Variants in CDH7 observed in about 807,000 individuals in gnomAD.
CDH7 encodes the protein cadherin 7.
A neutral mutation model predicts 71.8 loss-of-function variants in CDH7; 25 were observed. That is an observed-to-expected ratio of 0.35 (90% CI 0.25 to 0.49). The LOEUF (loss-of-function observed/expected upper bound fraction) is 0.49, where lower values mean the gene tolerates loss of function less well. Ranked by LOEUF, CDH7 falls within the 20% of genes least tolerant of loss-of-function variation. The pLI, the probability that CDH7 is intolerant of heterozygous loss-of-function variation, is 0.99. For missense variants in CDH7, 862 were observed against 974.6 expected, an observed-to-expected ratio of 0.88 and a Z score of 1.54; for synonymous variants, 381 against 363.8, an observed-to-expected ratio of 1.05 and a Z score of -0.54.
At chr18:65,828,862 G>T (rs996042905) in intron 6 of CDH7, among the ~76,000 whole-genome samples, 2 of 152,094 alleles carry the variant, frequency 1.3e-5, no homozygotes, top group African/African-American at 2.4e-5. Context: ...ATAATCCAGG[G>T]TTTGTCCTGT....
intron 1 of CDH7, among the ~76,000 whole-genome samples, chr18:65,758,424 G>A (rs1342692247): frequency 6.6e-6 from 1 of 152,150 alleles, no homozygotes; most frequent in Non-Finnish European, 1.5e-5. Flanking sequence ...TGCTATAGAG[G>A]GCATATGTTC....
chr18:65,763,117 A>T (rs1431715262), intron 2 of CDH7, 65 bp downstream of exon 2: 45 of 935,448 alleles, frequency 4.8e-5, no homozygotes, highest in Non-Finnish European at 6.7e-5. Context: ...TTGATGAAAA[A>T]CTGCTATATA....
At chr18:65,874,921 GGTTTT>G (rs1240551536) in intron 11 of CDH7, among the ~76,000 whole-genome samples, 1 of 152,038 alleles carries the variant, frequency 6.6e-6, no homozygotes, top group Non-Finnish European at 1.5e-5. Flanking sequence ...ATGACAACGA[GGTTTT>G]GAACTCCAGA....
Position 65,862,310 on chromosome 18 carries a change from A to G in CDH7, c.1613-356A>G, listed in dbSNP as rs1184745605. 2.6e-5 allele frequency among the ~76,000 whole-genome samples: 4 copies of G among 152,206 alleles called. No homozygotes were observed. The East Asian group carries it at 5.8e-4, about 22-fold the overall frequency. On this transcript the variant is annotated intron_variant, in intron 10 of 11. Transcript: ENST00000397968. ...ATACTGCAAAATATTTAACCTGTTA[A>G]TATGTACCATCCTTTCTATAAGTTT...
At chr18:65,757,048 T>TG (rs1309176770) in intron 1 of CDH7, among the ~76,000 whole-genome samples, 1 of 151,974 alleles carries the variant, frequency 6.6e-6, no homozygotes, top group East Asian at 1.9e-4. Context: ...ATAACAGTTT[T>TG]TTTTTTTTTT....
At chr18:65,854,275 C>G (rs937166163) in intron 7 of CDH7, among the ~76,000 whole-genome samples, 2 of 146,516 alleles carry the variant, frequency 1.4e-5, no homozygotes, top group Admixed American at 7.0e-5. Flanking sequence ...CACTGTACTC[C>G]AGCCTGGGCT....
At position 65,781,772 on chromosome 18, in the gene CDH7, T is replaced by TTTCTA. The variant is rs1568181261; in HGVS notation, c.210+18721_210+18722insTCTAT. The stretch of plus-strand genomic sequence containing the variant: ...TTGATTTCTTTCTTTCTTTCTTTCC[T>TTTCTA]TCCTTCCTTCCTTCCTTCCTTCCTT... On this transcript the variant is annotated intron_variant, in intron 2 of 11. Transcript: ENST00000397968. 4.1e-3 allele frequency among the ~76,000 whole-genome samples: 311 copies of TTTCTA among 75,748 alleles called. 26 individuals are homozygous for TTTCTA. The highest frequency in any genetic ancestry group is 0.016 in the African/African-American group (300 of 18,612). 49.7% of individuals were successfully genotyped at this position (75,748 alleles called of 152,430 possible).
intron 2 of CDH7, among the ~76,000 whole-genome samples, chr18:65,793,599 G>A (rs759906917): frequency 6.6e-6 from 1 of 152,136 alleles, no homozygotes; most frequent in African/African-American, 2.4e-5. Context: ...TATTGTTAAT[G>A]GTGGTGATTA....
chr18:65,779,298 G>A (rs1369042747), intron 2 of CDH7, among the ~76,000 whole-genome samples: 8 of 101,486 alleles, frequency 7.9e-5, no homozygotes, highest in Non-Finnish European at 1.5e-4. Flanking sequence ...GTACAGCTGT[G>A]TGAATTTTTT....
chr18:65,794,446 T>C (rs913758971), intron 2 of CDH7, among the ~76,000 whole-genome samples: 2 of 152,082 alleles, frequency 1.3e-5, no homozygotes, highest in African/African-American at 4.8e-5. Context: ...GTGCTGTTAA[T>C]CTATGTGAGA....
chr18:65,819,841 C>T (rs1318052041), intron 4 of CDH7, among the ~76,000 whole-genome samples: 1 of 151,246 alleles, frequency 6.6e-6, no homozygotes, highest in Admixed American at 6.6e-5. Context: ...TGAATCTCCC[C>T]AGCCCCTGGT....
At position 65,867,035 on chromosome 18, in the gene CDH7, A is replaced by T. The variant is rs1007836188; in HGVS notation, c.1864+4118A>T. 1.2e-4 allele frequency among the ~76,000 whole-genome samples: 16 copies of T among 134,200 alleles called. No homozygotes were observed. In the East Asian group the frequency reaches 2.0e-3, roughly 17 times the overall value. The allele number at this position is 134,200 out of a possible 152,430, so 88.0% of individuals were successfully genotyped here. A position where few individuals can be genotyped will look rare whatever the true frequency, so the allele number is the denominator to read the frequency against. ...ATGGCAAGATACTCTGGTATTCTAA[A>T]TTTTTTTTTTTTTTTTTTTAGACAG... On this transcript the variant is annotated intron_variant, in intron 11 of 11. Coordinates refer to ENST00000397968, the MANE Select transcript of CDH7 (RefSeq NM_004361.5).
At chr18:65,767,053 C>G (rs1489552264) in intron 2 of CDH7, among the ~76,000 whole-genome samples, 2 of 151,770 alleles carry the variant, frequency 1.3e-5, no homozygotes, top group Non-Finnish European at 1.5e-5. Context: ...CGTGCCTCTT[C>G]CACAGTTGCT....
chr18:65,781,843 T>C (rs1449673010), intron 2 of CDH7, among the ~76,000 whole-genome samples: 9 of 98,512 alleles, frequency 9.1e-5, no homozygotes, highest in African/African-American at 5.9e-4. Context: ...TCTTTCTTTC[T>C]TTCTTTCTTT....
chr18:65,814,874 G>T (rs543734975), intron 4 of CDH7, among the ~76,000 whole-genome samples: 3 of 152,008 alleles, frequency 2.0e-5, no homozygotes, highest in East Asian at 1.9e-4. Context: ...AGAAAATTTC[G>T]ATTCTTTACC....
chr18:65,821,074 T>A (rs1911906380), intron 4 of CDH7, among the ~76,000 whole-genome samples: 1 of 151,560 alleles, frequency 6.6e-6, no homozygotes, highest in Non-Finnish European at 1.5e-5. Context: ...GCTCAATTTT[T>A]AAAAATGGGG....
intron 10 of CDH7, among the ~76,000 whole-genome samples, chr18:65,860,555 G>A (rs1285070466): frequency 2.0e-5 from 3 of 152,078 alleles, no homozygotes; most frequent in African/African-American, 4.8e-5. Context: ...TCATATGTTC[G>A]AATGAGTTTT....
intron 2 of CDH7, among the ~76,000 whole-genome samples, chr18:65,770,303 C>T (rs1381886781): frequency 6.6e-6 from 1 of 152,138 alleles, no homozygotes; most frequent in East Asian, 1.9e-4. Context: ...TAAGAGCTTT[C>T]TCCCCACATT....
intron 6 of CDH7, among the ~76,000 whole-genome samples, chr18:65,834,498 A>G (rs1912465942): frequency 6.6e-6 from 1 of 152,234 alleles, no homozygotes. Flanking sequence ...CATGGCAAAG[A>G]AAGACTCAGA....
Sources: allele counts gnomAD v4.1 joint callset (sites outside exome capture counted in the v4.1 genomes callset), GRCh38; gene constraint gnomAD v4.1.1; transcripts MANE v1.5; gene names NCBI Gene and HGNC (gene_info 2026-07-23, HGNC 2026-07-21).